The following CNTNAP5 variants were observed in gnomAD, a reference collection of about 807,000 sequenced individuals.
CNTNAP5 encodes contactin-associated protein-like 5.
Under a neutral mutation model 150.2 loss-of-function variants are expected in CNTNAP5, and 72 were observed. The observed-to-expected ratio is 0.48, with a 90% CI of 0.40 to 0.58. The LOEUF is 0.58. Among genes scored for constraint, CNTNAP5 ranks in the 20% least tolerant of loss-of-function variants. CNTNAP5 has a pLI of 0.00. For missense variants in CNTNAP5, 1,636 were observed against 1,626.2 expected (o/e 1.01, Z -0.10); for synonymous variants, 672 against 619.8 (o/e 1.08, Z -1.25).
chr2:124,521,965 C>T (rs1694856229), intron 8 of CNTNAP5, among the ~76,000 whole-genome samples: 1 of 152,130 alleles, frequency 6.6e-6, no homozygotes. Flanking sequence ...GGCTGAGAAG[C>T]CTCTGGGTTC....
rs1186494314 is a variant in CNTNAP5, at chr2:124,789,936, A to T, written c.2787A>T (p.Gly929=). 2 of 1,613,592 alleles carry T rather than the reference A, an allele frequency of 1.2e-6. No homozygotes were observed. The highest frequency in any genetic ancestry group is 1.7e-6 in the Non-Finnish European group (2 of 1,179,682). Residue 929 remains glycine (G), a synonymous_variant, in exon 18 of 24, where the codon GGA becomes GGT. Coordinates refer to ENST00000682447, the MANE Select transcript of CNTNAP5 (RefSeq NM_001367498.1). ...GTSSRQKGFL[G]CIRSLHLNGQ... ...CATCCAGACAGAAAGGCTTCCTAGG[A>T]TGCATTCGCTCCTTACACTTGAATG...
At chr2:124,555,447 T>A (rs1573455815) in intron 10 of CNTNAP5, among the ~76,000 whole-genome samples, 1 of 152,200 alleles carries the variant, frequency 6.6e-6, no homozygotes, top group East Asian at 1.9e-4. Context: ...GAAACCCATA[T>A]CACTGTATCA....
intron 2 of CNTNAP5, among the ~76,000 whole-genome samples, chr2:124,241,831 G>C (rs970907780): frequency 6.6e-6 from 1 of 152,190 alleles, no homozygotes; most frequent in Admixed American, 6.5e-5. Context: ...CAGAGAGAGA[G>C]AGAGAGAGCA....
chr2:124,690,023 A>AT (rs1679268957), intron 13 of CNTNAP5, among the ~76,000 whole-genome samples: 2 of 142,588 alleles, frequency 1.4e-5, no homozygotes. Flanking sequence ...ACTTACGGGA[A>AT]ATTTTTTTTT....
chr2:124,496,487 A>AT (rs1031519303), intron 7 of CNTNAP5, among the ~76,000 whole-genome samples: 3 of 152,130 alleles, frequency 2.0e-5, no homozygotes, highest in Non-Finnish European at 4.4e-5. Flanking sequence ...TGCTAGCTTT[A>AT]TTTTTTACTC....
At chr2:124,838,257 A>G (rs1481358837) in intron 19 of CNTNAP5, among the ~76,000 whole-genome samples, 3 of 152,278 alleles carry the variant, frequency 2.0e-5, no homozygotes, top group Non-Finnish European at 1.5e-5. Context: ...GATTATATAC[A>G]TTTTGCACAT....
At chr2:124,770,945 G>T (rs952251301) in intron 16 of CNTNAP5, among the ~76,000 whole-genome samples, 1 of 152,046 alleles carries the variant, frequency 6.6e-6, no homozygotes, top group Non-Finnish European at 1.5e-5. Context: ...TTGAAAACTC[G>T]CCTTAGATCA....
intron 8 of CNTNAP5, 31 bp from the exon 9 acceptor site, chr2:124,524,272 C>A: frequency 6.2e-7 from 1 of 1,612,860 alleles, no homozygotes; most frequent in Non-Finnish European, 8.5e-7. Context: ...GACCCATCAT[C>A]TCTATGCTTA....
intron 13 of CNTNAP5, among the ~76,000 whole-genome samples, chr2:124,714,576 C>T (rs1334439644): frequency 6.6e-6 from 1 of 151,990 alleles, no homozygotes; most frequent in Non-Finnish European, 1.5e-5. Flanking sequence ...TATGGAAAGC[C>T]TTTGTCTGTT....
At chr2:124,121,361 A>C (rs1238190557) in intron 1 of CNTNAP5, among the ~76,000 whole-genome samples, 1 of 152,130 alleles carries the variant, frequency 6.6e-6, no homozygotes, top group Non-Finnish European at 1.5e-5. Context: ...GCTCTGTGGC[A>C]CACACGTGTG....
chr2:124,701,498 C>T (rs1317497898), intron 13 of CNTNAP5, among the ~76,000 whole-genome samples: 1 of 152,108 alleles, frequency 6.6e-6, no homozygotes, highest in African/African-American at 2.4e-5. Context: ...GGAGATCAGA[C>T]ATCTTTATGA....
At chr2:124,253,138 G>A (rs1459472061) in intron 3 of CNTNAP5, among the ~76,000 whole-genome samples, 1 of 151,674 alleles carries the variant, frequency 6.6e-6, no homozygotes, top group African/African-American at 2.4e-5. Context: ...AAGCAAAATG[G>A]TGGGTAACAA....
intron 1 of CNTNAP5, among the ~76,000 whole-genome samples, chr2:124,118,299 C>T (rs958757623): frequency 1.4e-4 from 22 of 152,128 alleles, no homozygotes; most frequent in Non-Finnish European, 3.1e-4. Context: ...AACTGAAGGA[C>T]CTGAAAAGCC....
At chr2:124,279,486 C>G (rs1009077375) in intron 3 of CNTNAP5, among the ~76,000 whole-genome samples, 8 of 151,774 alleles carry the variant, frequency 5.3e-5, no homozygotes, top group African/African-American at 1.7e-4. Context: ...ACTATATGTA[C>G]CAGACTCTGT....
At chr2:124,372,518 T>G (rs1275568738) in intron 3 of CNTNAP5, among the ~76,000 whole-genome samples, 2 of 152,154 alleles carry the variant, frequency 1.3e-5, no homozygotes, top group South Asian at 2.1e-4. Context: ...AATTGTTTCC[T>G]AATTCACAAG....
At chr2:124,451,043 A>AG (rs1452242767) in intron 6 of CNTNAP5, among the ~76,000 whole-genome samples, 1 of 74,840 alleles carries the variant, frequency 1.3e-5, no homozygotes, top group Non-Finnish European at 2.6e-5. Flanking sequence ...AAAAAAAAAA[A>AG]AAAAAAAAAT....
chr2:124,747,358 G>A lies in CNTNAP5; in HGVS notation c.2207G>A (p.Cys736Tyr). 6.2e-7 allele frequency: 1 copy of A among 1,613,758 alleles called. No homozygotes were observed. Among genetic ancestry groups the A allele is most frequent in the Non-Finnish European group, 8.5e-7 (1 of 1,179,768 alleles). ...AGCTGCCTGGACATTCAGCACTTTT[G>A]CAATTGCGACGCTGACAAGGATGAA... ...DESCLDIQHF[C>Y]NCDADKDEWT... The change falls in exon 14 of 24, where the codon TGC (cysteine) becomes TAC (tyrosine). Residue 736 changes from cysteine to tyrosine, a missense_variant. Transcript: ENST00000682447.
At chr2:124,214,632 G>T (rs1686109862) in intron 1 of CNTNAP5, among the ~76,000 whole-genome samples, 1 of 152,228 alleles carries the variant, frequency 6.6e-6, no homozygotes. Flanking sequence ...CATTACTAGT[G>T]CAGGCAGAAG....
chr2:124,504,981 C>T (rs192070451), intron 8 of CNTNAP5, among the ~76,000 whole-genome samples: 3 of 152,222 alleles, frequency 2.0e-5, no homozygotes, highest in Non-Finnish European at 4.4e-5. Flanking sequence ...GCTGGGATTA[C>T]AGGCCTGAGC....
Sources: allele counts gnomAD v4.1 joint callset (sites outside exome capture counted in the v4.1 genomes callset), GRCh38; gene constraint gnomAD v4.1.1; transcripts MANE v1.5; gene names NCBI Gene and HGNC (gene_info 2026-07-23, HGNC 2026-07-21).